Variants in RIMS1 observed in about 807,000 individuals in gnomAD.
RIMS1 encodes regulating synaptic membrane exocytosis protein 1.
In RIMS1, 83 loss-of-function variants were observed where a neutral mutation model predicts 214.1. The observed-to-expected ratio is 0.39, with a 90% CI of 0.32 to 0.47. RIMS1 has a LOEUF of 0.47. Ranked by LOEUF, RIMS1 falls within the 20% of genes least tolerant of loss-of-function variation. The pLI is 0.99. For missense variants in RIMS1, 2,050 were observed against 2,161.8 expected (o/e 0.95, Z 1.03); for synonymous variants, 793 against 786.8 (o/e 1.01, Z -0.13).
At chr6:72,312,554 TA>T (rs1364828248) in intron 27 of RIMS1, among the ~76,000 whole-genome samples, 1 of 152,150 alleles carries the variant, frequency 6.6e-6, no homozygotes, top group Non-Finnish European at 1.5e-5. Context: ...TGATGATTCC[TA>T]AAATTTTAGG....
At chr6:71,950,746 C>T (rs550326858) in intron 1 of RIMS1, among the ~76,000 whole-genome samples, 4 of 151,814 alleles carry the variant, frequency 2.6e-5, no homozygotes, top group African/African-American at 4.8e-5. Flanking sequence ...CATTTTTTTC[C>T]GACTGAGGCA....
At chr6:72,206,650 A>G (rs539218545) in intron 6 of RIMS1, among the ~76,000 whole-genome samples, 1 of 152,214 alleles carries the variant, frequency 6.6e-6, no homozygotes, top group Non-Finnish European at 1.5e-5. Context: ...CTAGTTGCGT[A>G]TATAGCATAG....
chr6:71,968,117 T>G (rs1417721888), intron 1 of RIMS1, among the ~76,000 whole-genome samples: 2 of 152,360 alleles, frequency 1.3e-5, no homozygotes, highest in African/African-American at 4.8e-5. Flanking sequence ...GTCTAAGTTT[T>G]ATAACCAAGC....
intron 6 of RIMS1, among the ~76,000 whole-genome samples, chr6:72,200,426 C>T (rs1562561978): frequency 6.6e-6 from 1 of 152,168 alleles, no homozygotes; most frequent in African/African-American, 2.4e-5. Flanking sequence ...GAGGAACACA[C>T]TTTCAGAGAC....
chr6:71,999,790 G>A (rs750719048), intron 2 of RIMS1, among the ~76,000 whole-genome samples: 1 of 152,102 alleles, frequency 6.6e-6, no homozygotes, highest in Admixed American at 6.6e-5. Flanking sequence ...GGGGTAAGAT[G>A]TCTTTAGTGA....
intron 6 of RIMS1, among the ~76,000 whole-genome samples, chr6:72,191,501 A>T (rs985486351): frequency 6.6e-6 from 1 of 152,208 alleles, no homozygotes; most frequent in East Asian, 1.9e-4. Context: ...AATGTAATGG[A>T]CCAGTGTGAT....
chr6:71,949,216 G>C (rs1412108309), intron 1 of RIMS1, among the ~76,000 whole-genome samples: 1 of 152,160 alleles, frequency 6.6e-6, no homozygotes, highest in Non-Finnish European at 1.5e-5. Flanking sequence ...TTGCAACTCT[G>C]ATCTCAGTAC....
At chr6:72,390,989 A>G in intron 30 of RIMS1, 1 of 346,688 alleles carries the variant, frequency 2.9e-6, no homozygotes, top group Non-Finnish European at 5.2e-6. Flanking sequence ...CATCTAGGAA[A>G]GCCCAGACTA....
intron 4 of RIMS1, among the ~76,000 whole-genome samples, chr6:72,144,269 T>C (rs917728243): frequency 6.6e-6 from 1 of 152,168 alleles, no homozygotes; most frequent in Non-Finnish European, 1.5e-5. Flanking sequence ...TGGTTCTGAA[T>C]TTCAGAAAAG....
intron 16 of RIMS1, among the ~76,000 whole-genome samples, chr6:72,256,961 AT>A (rs1392787158): frequency 1.3e-4 from 20 of 152,146 alleles, no homozygotes; most frequent in South Asian, 4.1e-4. Context: ...TAGTCTGAAT[AT>A]TGTCAAAGTA....
intron 24 of RIMS1, among the ~76,000 whole-genome samples, chr6:72,287,930 A>G (rs1203713193): frequency 6.6e-6 from 1 of 152,206 alleles, no homozygotes; most frequent in African/African-American, 2.4e-5. Flanking sequence ...ATAATAGAGT[A>G]GGTATTTGTT....
At chr6:72,201,728 T>C (rs1338330710) in intron 6 of RIMS1, among the ~76,000 whole-genome samples, 1 of 152,246 alleles carries the variant, frequency 6.6e-6, no homozygotes, top group Non-Finnish European at 1.5e-5. Context: ...GTCTGCAGTC[T>C]GGGCTCAACC....
intron 29 of RIMS1, among the ~76,000 whole-genome samples, chr6:72,361,086 G>A (rs941478685): frequency 2.1e-4 from 29 of 135,176 alleles, no homozygotes; most frequent in African/African-American, 6.6e-4. Flanking sequence ...GTAGGAACGG[G>A]TCTTTCTTTC....
At chr6:72,316,096 C>CA (rs564207702) in intron 28 of RIMS1, among the ~76,000 whole-genome samples, 136 of 150,558 alleles carry the variant, frequency 9.0e-4, no homozygotes, top group Middle Eastern at 6.9e-3. Context: ...ACAAACAAAA[C>CA]AAAAAAAAAC....
chr6:72,265,907 T>C, intron 21 of RIMS1, 53 bp from the exon 22 acceptor site: 1 of 1,303,964 alleles, frequency 7.7e-7, no homozygotes, highest in Non-Finnish European at 1.1e-6. Context: ...TCTTCCTTTC[T>C]TTGTTTTCTC....
rs1388707137 is a variant in RIMS1, at chr6:72,401,115, TTTGAG to T, written c.*405_*409del. ...CACAAGCAGTGTTATTTCCCTGATG[TTTGAG>T]TTGTTTTGTTCTTTTGTGTGTTTTG... is the stretch of plus-strand genomic sequence containing the variant. On this transcript the variant is annotated 3_prime_UTR_variant, in exon 34 of 34. Coordinates refer to ENST00000521978, the MANE Select transcript of RIMS1 (RefSeq NM_014989.7). 6.3e-6 allele frequency: 1 copy of T among 159,156 alleles called. No individual in the cohort carries two copies. Among genetic ancestry groups the T allele is most frequent in the East Asian group, 1.8e-4 (1 of 5,546 alleles). The allele number at this position is 159,156 out of a possible 1,614,324, so 9.9% of individuals were successfully genotyped here. A position where few individuals can be genotyped will look rare whatever the true frequency, so the allele number is the denominator to read the frequency against.
At chr6:72,348,592 A>T (rs1197580829) in intron 29 of RIMS1, among the ~76,000 whole-genome samples, 1 of 151,898 alleles carries the variant, frequency 6.6e-6, no homozygotes, top group Admixed American at 6.6e-5. Context: ...TGATTTTTTA[A>T]TAGATTCAGA....
intron 27 of RIMS1, among the ~76,000 whole-genome samples, chr6:72,312,565 G>C (rs1476037288): frequency 6.6e-6 from 1 of 151,972 alleles, no homozygotes; most frequent in African/African-American, 2.4e-5. Flanking sequence ...AAAATTTTAG[G>C]AAATGAATAT....
intron 4 of RIMS1, chr6:72,156,038 G>A: frequency 2.9e-6 from 1 of 343,656 alleles, no homozygotes; most frequent in Non-Finnish European, 5.9e-6. Flanking sequence ...AATTGACATA[G>A]CCACTATGGA....
Sources: allele counts gnomAD v4.1 joint callset (sites outside exome capture counted in the v4.1 genomes callset), GRCh38; gene constraint gnomAD v4.1.1; transcripts MANE v1.5; gene names NCBI Gene and HGNC (gene_info 2026-07-23, HGNC 2026-07-21).